ARMC9: variants seen among roughly 807,000 people sequenced by gnomAD.
ARMC9 encodes the protein armadillo repeat containing 9, also known as lisH domain-containing protein ARMC9.
Under a neutral mutation model 107.0 loss-of-function variants are expected in ARMC9, and 94 were observed. The ratio of observed to expected loss-of-function variants is 0.88; its 90% CI spans 0.74 to 1.04. ARMC9 has a LOEUF of 1.04. ARMC9 is among the 50% of genes least tolerant of loss of function. ARMC9 has a pLI of 0.00. For missense variants in ARMC9, 942 were observed against 1,030.1 expected (o/e 0.91, Z 1.17); for synonymous variants, 380 against 396.9 (o/e 0.96, Z 0.51).
At chr2:231,265,326 C>G (rs112892432) in intron 12 of ARMC9, among the ~76,000 whole-genome samples, 1 of 152,198 alleles carries the variant, frequency 6.6e-6, no homozygotes, top group Non-Finnish European at 1.5e-5. Context: ...TTTGCAGTTA[C>G]AAAGATTTGG....
At chr2:231,290,644 C>A (rs970770108) in intron 17 of ARMC9, among the ~76,000 whole-genome samples, 1 of 152,228 alleles carries the variant, frequency 6.6e-6, no homozygotes, top group Admixed American at 6.5e-5. Flanking sequence ...TATATTATCC[C>A]TACTTTTCCC....
intron 17 of ARMC9, among the ~76,000 whole-genome samples, chr2:231,290,229 A>C (rs1030745664): frequency 6.6e-6 from 1 of 152,242 alleles, no homozygotes; most frequent in African/African-American, 2.4e-5. Flanking sequence ...CATTAAATTC[A>C]TGGGGGAGCT....
At chr2:231,288,706 A>G (rs919867018) in intron 17 of ARMC9, 3 of 471,178 alleles carry the variant, frequency 6.4e-6, no homozygotes, top group South Asian at 1.5e-5. Flanking sequence ...GCTGCTGACA[A>G]CATCAAGGCT....
intron 9 of ARMC9, among the ~76,000 whole-genome samples, chr2:231,252,006 G>A (rs77094747): frequency 0.021 from 3,236 of 152,252 alleles, 119 homozygotes; most frequent in African/African-American, 0.073. Context: ...TATTTTATTA[G>A]ATACTAAAGT....
chr2:231,233,993 TAC>T (rs2125358140), intron 7 of ARMC9, among the ~76,000 whole-genome samples: 1 of 152,304 alleles, frequency 6.6e-6, no homozygotes, highest in South Asian at 2.1e-4. Flanking sequence ...AAATGAGAAT[TAC>T]AGAGTTAAAT....
chr2:231,277,369 G>A (rs2039850347), intron 15 of ARMC9, among the ~76,000 whole-genome samples: 1 of 152,132 alleles, frequency 6.6e-6, no homozygotes, highest in South Asian at 2.1e-4. Flanking sequence ...TCCAGGCTGT[G>A]GCTTTCCCCA....
intron 13 of ARMC9, 140 bp downstream of exon 13, chr2:231,271,212 T>C: frequency 1.3e-6 from 1 of 796,148 alleles, no homozygotes; most frequent in Non-Finnish European, 1.9e-6. Flanking sequence ...TAAGGTCTTT[T>C]GTGAAAATTA....
In ARMC9 at chr2:231,355,884, T is replaced by A; in HGVS notation, c.2081T>A (p.Val694Asp). 6.5e-7 allele frequency: 1 copy of A among 1,536,028 alleles called. No individual in the cohort carries two copies. Among genetic ancestry groups the A allele is most frequent in the Non-Finnish European group, 8.7e-7 (1 of 1,146,880 alleles). The change falls in exon 22 of 25, where the codon GTC becomes GAC. Residue 694 changes from valine to aspartate, a missense_variant. Physicochemically the swap from Val to Asp is radical, Grantham distance 152. Coordinates refer to ENST00000611582, the MANE Select transcript of ARMC9 (RefSeq NM_001352754.2). ...GCCCTGCCAGCCGCTCACGAGGCTG[T>A]CTACAGGGAGGGCAAGCCCAGCACC... ...PQALPAAHEAVYREGKPSTPE... is the reference protein window; with the variant it reads ...PQALPAAHEADYREGKPSTPE...
chr2:231,283,657 T>C (rs999569549), intron 17 of ARMC9, among the ~76,000 whole-genome samples: 1 of 152,168 alleles, frequency 6.6e-6, no homozygotes, highest in African/African-American at 2.4e-5. Flanking sequence ...CTCAAGCTCC[T>C]AACCTCAAGT....
At position 231,372,843 on chromosome 2, in the gene ARMC9, A is replaced by G. The variant is rs1425155513; in HGVS notation, c.*1308A>G. 4 of 152,070 alleles carry G rather than the reference A, an allele frequency of 2.6e-5. No homozygotes were observed. The highest frequency in any genetic ancestry group is 9.7e-5 in the African/African-American group (4 of 41,388). 9.4% of individuals were successfully genotyped at this position (152,070 alleles called of 1,614,324 possible). A position where few individuals can be genotyped will look rare whatever the true frequency, so the allele number is the denominator to read the frequency against. On this transcript the variant is annotated 3_prime_UTR_variant, in exon 25 of 25. Coordinates refer to ENST00000611582, the MANE Select transcript of ARMC9 (RefSeq NM_001352754.2). Reference sequence around the variant, plus strand: ...TCTGCCCACAGACCCTTCAATGGGGACATCTCTGGTCCCAATGGTCGTAAA... The same window carrying G: ...TCTGCCCACAGACCCTTCAATGGGGGCATCTCTGGTCCCAATGGTCGTAAA...
chr2:231,344,552 C>G (rs1010495582), intron 20 of ARMC9, among the ~76,000 whole-genome samples: 4 of 152,192 alleles, frequency 2.6e-5, no homozygotes, highest in Non-Finnish European at 5.9e-5. Flanking sequence ...GCTTCAAATA[C>G]TTCTTCCAAG....
intron 11 of ARMC9, among the ~76,000 whole-genome samples, chr2:231,260,743 G>A (rs979765162): frequency 6.6e-6 from 1 of 152,150 alleles, no homozygotes; most frequent in African/African-American, 2.4e-5. Flanking sequence ...CATCTTTTAT[G>A]CGGCTCTTGG....
At chr2:231,355,768 C>G in intron 21 of ARMC9, 30 bp from the exon 22 acceptor site, 4 of 1,519,508 alleles carry the variant, frequency 2.6e-6, no homozygotes, top group Non-Finnish European at 3.5e-6. Flanking sequence ...GCTGGCTGTA[C>G]TCACTGCCGT....
At chr2:231,359,318 C>T (rs2045473396) in intron 22 of ARMC9, among the ~76,000 whole-genome samples, 1 of 151,800 alleles carries the variant, frequency 6.6e-6, no homozygotes, top group Admixed American at 6.6e-5. Context: ...AACTCCTGGC[C>T]TCAAGTGATC....
intron 19 of ARMC9, among the ~76,000 whole-genome samples, chr2:231,322,845 A>C (rs945491851): frequency 3.9e-5 from 6 of 152,204 alleles, no homozygotes; most frequent in African/African-American, 1.4e-4. Context: ...GACCCACCCT[A>C]ACGAGGCATT....
chr2:231,261,006 C>T (rs540777891), intron 11 of ARMC9, among the ~76,000 whole-genome samples: 53 of 152,274 alleles, frequency 3.5e-4, no homozygotes, highest in Non-Finnish European at 3.8e-4. Context: ...CCATGGTCAT[C>T]ACATCTGTTG....
At chr2:231,292,220 A>C (rs560950251) in intron 18 of ARMC9, among the ~76,000 whole-genome samples, 2 of 152,204 alleles carry the variant, frequency 1.3e-5, no homozygotes, top group African/African-American at 4.8e-5. Context: ...GATTGTCCAA[A>C]GATTAACAAT....
intron 21 of ARMC9, among the ~76,000 whole-genome samples, chr2:231,349,462 G>C (rs1449219716): frequency 1.3e-5 from 2 of 152,044 alleles, no homozygotes; most frequent in East Asian, 1.9e-4. Context: ...AGGGGAGTTG[G>C]AGAAGGTTAA....
chr2:231,253,232 G>T (rs2037463726), intron 9 of ARMC9, among the ~76,000 whole-genome samples: 1 of 152,236 alleles, frequency 6.6e-6, no homozygotes, highest in Non-Finnish European at 1.5e-5. Flanking sequence ...TCCTGCCTCA[G>T]CCTCCTGAGT....
Sources: gnomAD v4.1 joint callset for allele counts (sites outside exome capture counted in the v4.1 genomes callset) on GRCh38, gnomAD v4.1.1 for gene constraint, MANE v1.5 for transcripts, NCBI Gene and HGNC (gene_info 2026-07-23, HGNC 2026-07-21) for gene names.